The following RTL1 variants were observed in gnomAD, a reference collection of about 807,000 sequenced individuals.
RTL1 encodes retrotransposon Gag like 1.
For missense variants in RTL1, 1,681 were observed against 1,767.5 expected (o/e 0.95, Z 0.88); for synonymous variants, 727 against 748.4 (o/e 0.97, Z 0.47).
In RTL1 at chr14:100,884,261, T is replaced by C; in HGVS notation, c.528A>G (p.Arg176=). 6.4e-7 allele frequency: 1 copy of C among 1,551,764 alleles called. No individual in the cohort carries two copies. Among genetic ancestry groups the C allele is most frequent in the South Asian group, 1.2e-5 (1 of 84,064 alleles). Residue 176 remains arginine (R), a synonymous_variant, in exon 4 of 4, where the codon CGA becomes CGG. Transcript: ENST00000649591. Reference sequence around the variant, plus strand: ...TCTGTTGCTCTTTGAGGTCTTGCATTCGGAAGTACAGCGAGATGATGGACC... The same window carrying C: ...TCTGTTGCTCTTTGAGGTCTTGCATCCGGAAGTACAGCGAGATGATGGACC... ...MVRSIISLYF[R]MQDLKEQQRV... is the part of the protein sequence containing the mutation.
intron 2 of RTL1, among the ~76,000 whole-genome samples, chr14:100,895,832 G>A (rs1380432958): frequency 2.1e-4 from 32 of 152,214 alleles, no homozygotes; most frequent in South Asian, 2.1e-4. Context: ...CAGCACTTTC[G>A]GAGGCCGAGG....
At chr14:100,891,596 G>A (rs888490792) in intron 3 of RTL1, among the ~76,000 whole-genome samples, 3 of 152,198 alleles carry the variant, frequency 2.0e-5, no homozygotes, top group Non-Finnish European at 4.4e-5. Context: ...GCTCCAGGGG[G>A]CAGCTGTATC....
chr14:100,892,301 C>T (rs565320868), intron 3 of RTL1, among the ~76,000 whole-genome samples: 120 of 152,236 alleles, frequency 7.9e-4, no homozygotes, highest in African/African-American at 2.9e-3. Context: ...CACCTCAGGG[C>T]CTGGTGGAAC....
chr14:100,884,035 A>G lies in RTL1; in HGVS notation c.754T>C (p.Trp252Arg), dbSNP rs1210996490. 6.4e-7 allele frequency: 1 copy of G among 1,551,746 alleles called. No homozygotes were observed. The highest frequency in any genetic ancestry group is 8.7e-7 in the Non-Finnish European group (1 of 1,147,002). The part of the protein sequence containing the change: ...INHLSGLALE[W>R]AKALLQENSP... ...TTTTCCTGCAGTAGAGCTTTGGCCC[A>G]TTCTAATGCCAAGCCGGACAGGTGA... The change falls in exon 4 of 4, where the codon TGG becomes CGG. Residue 252 changes from tryptophan (W) to arginine (R), a missense_variant. Coordinates refer to ENST00000649591, the MANE Select transcript of RTL1 (RefSeq NM_001134888.3).
intron 3 of RTL1, among the ~76,000 whole-genome samples, chr14:100,889,198 T>C (rs2038734899): frequency 2.0e-5 from 3 of 152,292 alleles, no homozygotes; most frequent in South Asian, 4.1e-4. Context: ...ATTATGAAAC[T>C]CTTGCTTAAA....
intron 2 of RTL1, among the ~76,000 whole-genome samples, chr14:100,900,802 A>G (rs2038931153): frequency 6.6e-6 from 1 of 152,180 alleles, no homozygotes; most frequent in Non-Finnish European, 1.5e-5. Flanking sequence ...TGCACCCTGC[A>G]TCGCGCCCCC....
In RTL1 at chr14:100,882,663, G is replaced by C. The variant is rs1291135383; in HGVS notation, c.2126C>G (p.Pro709Arg). 6.4e-7 allele frequency: 1 copy of C among 1,552,004 alleles called. No individual in the cohort carries two copies. Among genetic ancestry groups the C allele is most frequent in the Admixed American group, 2.0e-5 (1 of 51,012 alleles). Residue 709 changes from proline (P) to arginine (R), a missense_variant, in exon 4 of 4, where the codon CCT becomes CGT. Physicochemically the swap from Pro to Arg is moderately radical, Grantham distance 103. Transcript: ENST00000649591. The stretch of plus-strand genomic sequence containing the variant: ...GTGAATCACGTTCTGAGGTATGATA[G>C]GGTCTGGGGAGAGCGCAAACGGCTG... ...SYQPFALSPD[P>R]IIPQNVIHFI...
In RTL1 at chr14:100,880,066, A is replaced by G. The variant is rs1029643892; in HGVS notation, c.*646T>C. Among the ~76,000 whole-genome samples the G allele has an allele frequency of 1.0e-4, 14 of 136,530 alleles. No individual in the cohort carries two copies. Among genetic ancestry groups the G allele is most frequent in the African/African-American group, 3.8e-4 (14 of 37,090 alleles). The allele number at this position is 136,530 out of a possible 152,430, so 89.6% of individuals were successfully genotyped here. A position where few individuals can be genotyped will look rare whatever the true frequency, so the allele number is the denominator to read the frequency against. On this transcript the variant is annotated 3_prime_UTR_variant, in exon 4 of 4. Coordinates refer to ENST00000649591, the MANE Select transcript of RTL1 (RefSeq NM_001134888.3). ...GATGCCCCAAAGAGCGGCTTTGTCC[A>G]GGTAAGTCCAGAGCTCAGGGCAAGA...
intron 3 of RTL1, among the ~76,000 whole-genome samples, chr14:100,890,928 T>C (rs976540060): frequency 3.9e-5 from 6 of 152,160 alleles, no homozygotes; most frequent in African/African-American, 1.2e-4. Context: ...TATTATTATT[T>C]ATTTTGTTGA....
chr14:100,882,067 G>A lies in RTL1; in HGVS notation c.2722C>T (p.Arg908Cys), dbSNP rs757578449. ...GKRACCAFYS[R>C]NISPIEVEYS... ...TCAACCTCGATAGGGGAGATGTTGC[G>A]GGAGTAGAAAGCGCAGCAGGCTCTC... Residue 908 changes from arginine to cysteine, a missense_variant, in exon 4 of 4, where the codon CGC (arginine) becomes TGC (cysteine). Transcript: ENST00000649591. 7 of 1,607,030 alleles carry A rather than the reference G, an allele frequency of 4.4e-6. No homozygotes were observed. Among genetic ancestry groups the A allele is most frequent in the South Asian group, 2.2e-5 (2 of 90,292 alleles).
At chr14:100,898,187 T>C (rs1364502701) in intron 2 of RTL1, 1 of 168,672 alleles carries the variant, frequency 5.9e-6, no homozygotes, top group Non-Finnish European at 1.3e-5. Flanking sequence ...GTTCATTAAA[T>C]TATTTTTTAA....
chr14:100,890,467 G>T (rs1334384926), intron 3 of RTL1, among the ~76,000 whole-genome samples: 19 of 130,994 alleles, frequency 1.5e-4, no homozygotes, highest in Admixed American at 3.2e-4. Context: ...CGGGGTGGGG[G>T]AATTAGGGGA....
intron 3 of RTL1, among the ~76,000 whole-genome samples, chr14:100,886,214 T>TAAA (rs11400270): frequency 8.3e-5 from 11 of 131,816 alleles, no homozygotes; most frequent in African/African-American, 1.1e-4. Flanking sequence ...GACCCATCCG[T>TAAA]AAAAAAAAAA....
At position 100,880,594 on chromosome 14, in the gene RTL1, G is replaced by T. The variant is rs1345415445; in HGVS notation, c.*118C>A. 3 of 1,489,816 alleles carry T rather than the reference G, an allele frequency of 2.0e-6. No homozygotes were observed. In the Admixed American group the frequency reaches 6.7e-5, roughly 33 times the overall value. 92.3% of individuals were successfully genotyped at this position (1,489,816 alleles called of 1,614,324 possible). A position where few individuals can be genotyped will look rare whatever the true frequency, so the allele number is the denominator to read the frequency against. On this transcript the variant is annotated 3_prime_UTR_variant, in exon 4 of 4. Coordinates refer to ENST00000649591, the MANE Select transcript of RTL1 (RefSeq NM_001134888.3). ...GCCCTTCACAAGTGGGTTCCTCTTGGGTCAGGAGTGGCAGGAAGGGAAGCG... is the reference window on the plus strand; with the variant it reads ...GCCCTTCACAAGTGGGTTCCTCTTGTGTCAGGAGTGGCAGGAAGGGAAGCG...
intron 3 of RTL1, among the ~76,000 whole-genome samples, chr14:100,891,709 C>T (rs1477589172): frequency 2.0e-5 from 3 of 152,198 alleles, no homozygotes; most frequent in Non-Finnish European, 4.4e-5. Context: ...CCCAAATCAG[C>T]GGGGCCAATC....
chr14:100,883,165 T>C lies in RTL1; in HGVS notation c.1624A>G (p.Ile542Val). 1 of 1,596,960 alleles carries C rather than the reference T, an allele frequency of 6.3e-7. No individual in the cohort carries two copies. The highest frequency in any genetic ancestry group is 1.1e-5 in the South Asian group (1 of 89,194). Residue 542 changes from isoleucine to valine, a missense_variant, in exon 4 of 4, where the codon ATT becomes GTT. Transcript: ENST00000649591. This position sits in a 1 kb window ranked among gnomAD's most constrained non-coding sequence, Gnocchi z 5.9. ...CTCATGCCGTGCCTCTCTAGGGCAA[T>C]GCATGGCGGGGGCGGGCGGAAGCAG... is the stretch of plus-strand genomic sequence containing the variant. ...KNCFRPPPPC[I>V]ALERHGMSLL...
At chr14:100,899,875 C>T (rs2038918740) in intron 2 of RTL1, among the ~76,000 whole-genome samples, 1 of 152,238 alleles carries the variant, frequency 6.6e-6, no homozygotes, top group South Asian at 2.1e-4. Flanking sequence ...TTAACCCCCT[C>T]CCTGAGACGG....
rs1382669218 is a variant in RTL1 at position 100,883,175 on chromosome 14, G to A, written c.1614C>T (p.Pro538=). ...PYCLKNCFRP[P]PPCIALERHG... Reference sequence around the variant, plus strand: ...GCCTCTCTAGGGCAATGCATGGCGGGGGCGGGCGGAAGCAGTTCTTCAGGC... The same window carrying A: ...GCCTCTCTAGGGCAATGCATGGCGGAGGCGGGCGGAAGCAGTTCTTCAGGC... Residue 538 remains proline, a synonymous_variant, in exon 4 of 4, where the codon CCC becomes CCT. Coordinates refer to ENST00000649591, the MANE Select transcript of RTL1 (RefSeq NM_001134888.3). The surrounding 1 kb of genome is among the most constrained non-coding windows in gnomAD (Gnocchi z 5.9). 9 of 1,581,902 alleles carry A rather than the reference G, an allele frequency of 5.7e-6. No homozygotes were observed. Among genetic ancestry groups the A allele is most frequent in the Non-Finnish European group, 6.9e-6 (8 of 1,161,060 alleles).
At chr14:100,899,116 A>G (rs1314482047) in intron 2 of RTL1, 1 of 151,910 alleles carries the variant, frequency 6.6e-6, no homozygotes, top group Non-Finnish European at 1.5e-5. Context: ...AGCTGCAAAC[A>G]CCCTTCTGGG....
Sources: gnomAD v4.1 joint callset for allele counts (sites outside exome capture counted in the v4.1 genomes callset) on GRCh38, gnomAD v4.1.1 for gene constraint, Gnocchi (gnomAD v3.1) non-coding constraint, MANE v1.5 for transcripts, NCBI Gene and HGNC (gene_info 2026-07-23, HGNC 2026-07-21) for gene names.